The following SUPT7L variants were observed in gnomAD, a reference collection of about 807,000 sequenced individuals.
SUPT7L encodes STAGA complex 65 subunit gamma.
Under a neutral mutation model 35.7 loss-of-function variants are expected in SUPT7L, and 15 were observed. That is an observed-to-expected ratio of 0.42 (90% CI 0.28 to 0.65). The LOEUF (loss-of-function observed/expected upper bound fraction) is 0.65, where lower values mean the gene tolerates loss of function less well. SUPT7L is among the 30% of genes least tolerant of loss of function. The pLI is 0.23. For synonymous variants in SUPT7L, 168 were observed against 186.2 expected, an observed-to-expected ratio of 0.90 and a Z score of 0.79; for missense variants, 434 against 522.2, an observed-to-expected ratio of 0.83 and a Z score of 1.65.
intron 1 of SUPT7L, among the ~76,000 whole-genome samples, chr2:27,662,705 G>A (rs1675173250): frequency 1.3e-5 from 2 of 152,132 alleles, no homozygotes; most frequent in African/African-American, 4.8e-5. Context: ...TATGGCTGTG[G>A]TCTTGTTACA....
At chr2:27,648,662 G>A (rs906535526), downstream of SUPT7L, among the ~76,000 whole-genome samples, 2 of 152,194 alleles carry the variant, frequency 1.3e-5, no homozygotes, top group African/African-American at 2.4e-5. Context: ...TTGAGACAGA[G>A]TTTTGCTTCA....
chr2:27,645,234 G>A, the SUPT7L span, among the ~76,000 whole-genome samples: 1 of 152,108 alleles, frequency 6.6e-6, no homozygotes. Context: ...GCCTCCCAAG[G>A]TGTTGGGATC....
At chr2:27,647,207 C>A (rs1401239308), downstream of SUPT7L, among the ~76,000 whole-genome samples, 1 of 152,174 alleles carries the variant, frequency 6.6e-6, no homozygotes, top group Non-Finnish European at 1.5e-5. Context: ...CTCATAGGCT[C>A]CTGAAGAGAG....
downstream of SUPT7L, among the ~76,000 whole-genome samples, chr2:27,648,160 C>T (rs1181441057): frequency 6.6e-6 from 1 of 152,176 alleles, no homozygotes; most frequent in Non-Finnish European, 1.5e-5. Flanking sequence ...GTCTTCTTAT[C>T]TTTAGGTCCT....
chr2:27,655,321 G>T, intron 5 of SUPT7L, 44 bp downstream of exon 5: 1 of 1,482,562 alleles, frequency 6.7e-7, no homozygotes, highest in Non-Finnish European at 9.0e-7. Context: ...TACTGAAATT[G>T]GCAGATCTCC....
Position 27,660,996 on chromosome 2 carries a change from C to T in SUPT7L, c.407G>A (p.Ser136Asn), listed in dbSNP as rs1558501362. ...PFQIRHSDPESDFYRGKGEPV... is the reference protein window; with the variant it reads ...PFQIRHSDPENDFYRGKGEPV... ...AGCCTTGCCTTACCGATAAAAGTCA[C>T]TCTCTGGGTCACTGTGCCGGATCTG... The change falls in exon 3 of 6, where the codon AGT becomes AAT. Residue 136 changes from serine to asparagine, a missense_variant. Coordinates refer to ENST00000337768, the MANE Select transcript of SUPT7L (RefSeq NM_014860.3). 2 of 1,613,658 alleles carry T rather than the reference C, an allele frequency of 1.2e-6. No homozygotes were observed. Among genetic ancestry groups the T allele is most frequent in the East Asian group, 4.5e-5 (2 of 44,886 alleles).
At chr2:27,642,990 CACACAT>C in the SUPT7L span, among the ~76,000 whole-genome samples, 2 of 150,810 alleles carry the variant, frequency 1.3e-5, no homozygotes, top group African/African-American at 4.9e-5. Flanking sequence ...CACACACACA[CACACAT>C]ACATATGCAT....
downstream of SUPT7L, among the ~76,000 whole-genome samples, chr2:27,645,816 G>C (rs1291677208): frequency 6.6e-6 from 1 of 151,720 alleles, no homozygotes; most frequent in African/African-American, 2.4e-5. Flanking sequence ...TGCAGCCTCT[G>C]CCTCCTGGGT....
downstream of SUPT7L, chr2:27,647,800 G>A (rs760250845): frequency 8.3e-7 from 1 of 1,203,956 alleles, no homozygotes; most frequent in Non-Finnish European, 1.2e-6. Flanking sequence ...TCACCTTTTT[G>A]AGGAGGCATA....
chr2:27,657,358 C>G lies in SUPT7L; in HGVS notation c.731G>C (p.Ser244Thr). ...GGGTCGCCTCACCTGTAGCATGTAA[C>G]TGTGATAGTCCTTGATGCGGTGCTG... ...FWQHRIKDYH[S>T]YMLQISKQLS... is the part of the protein sequence containing the mutation. The change falls in exon 4 of 6, where the codon AGT (serine) becomes ACT (threonine). Residue 244 changes from serine (S) to threonine (T), a missense_variant. By Grantham distance (58) the Ser-to-Thr change is moderately conservative. Coordinates refer to ENST00000337768, the MANE Select transcript of SUPT7L (RefSeq NM_014860.3). This position sits in a 1 kb window ranked among gnomAD's most constrained non-coding sequence, Gnocchi z 5.2. 6.2e-7 allele frequency: 1 copy of G among 1,614,066 alleles called. No individual in the cohort carries two copies. The highest frequency in any genetic ancestry group is 8.5e-7 in the Non-Finnish European group (1 of 1,179,920).
rs370959633 is a variant in SUPT7L at position 27,656,705 on chromosome 2, T to C, written c.744+640A>G. Among the ~76,000 whole-genome samples, 90 of 152,130 alleles carry C rather than the reference T, an allele frequency of 5.9e-4. 1 individual carries two copies. Among genetic ancestry groups the C allele is most frequent in the African/African-American group, 2.1e-3 (88 of 41,492 alleles). The stretch of plus-strand genomic sequence containing the variant: ...TGGAGTGCAATGGCACAATCATGGC[T>C]CACAGCAGCCTTAACTTCCTGGTCT... On this transcript the variant is annotated intron_variant, in intron 4 of 5. Coordinates refer to ENST00000337768, the MANE Select transcript of SUPT7L (RefSeq NM_014860.3).
At chr2:27,645,930 G>A (rs756901744), downstream of SUPT7L, among the ~76,000 whole-genome samples, 7 of 151,806 alleles carry the variant, frequency 4.6e-5, no homozygotes, top group Admixed American at 3.3e-4. Flanking sequence ...AGGTTTTGCC[G>A]TGTTGCCCAG....
At chr2:27,654,536 A>C (rs1431337746) in intron 5 of SUPT7L, among the ~76,000 whole-genome samples, 2 of 152,138 alleles carry the variant, frequency 1.3e-5, no homozygotes, top group African/African-American at 4.8e-5. Context: ...CAGAGTCTGG[A>C]AAAAGAAGCC....
At position 27,657,731 on chromosome 2, in the gene SUPT7L, T is replaced by C. The variant is rs1291201388; in HGVS notation, c.420-62A>G. On this transcript the variant is annotated intron_variant, in intron 3 of 5. Transcript: ENST00000337768. The surrounding 1 kb of genome is among the most constrained non-coding windows in gnomAD (Gnocchi z 5.2). ...TGCAAAGGGGTGACCCCTCCTGTCT[T>C]CCCCAGGAGTTTTACAATTCCAGTC... The C allele has an allele frequency of 6.9e-7, 1 of 1,456,592 alleles. No individual in the cohort carries two copies. The highest frequency in any genetic ancestry group is 9.2e-7 in the Non-Finnish European group (1 of 1,085,244). The allele number at this position is 1,456,592 out of a possible 1,614,324, so 90.2% of individuals were successfully genotyped here.
At position 27,657,119 on chromosome 2, in the gene SUPT7L, G is replaced by A. The variant is rs1297530428; in HGVS notation, c.744+226C>T. On this transcript the variant is annotated intron_variant, in intron 4 of 5. Coordinates refer to ENST00000337768, the MANE Select transcript of SUPT7L (RefSeq NM_014860.3). This position sits in a 1 kb window ranked among gnomAD's most constrained non-coding sequence, Gnocchi z 5.2. Reference sequence around the variant, plus strand: ...TTCTCTCAGATTCCATATACTTGTGGATAGTTTCTTCCAGAGGAAGTATCA... The same window carrying A: ...TTCTCTCAGATTCCATATACTTGTGAATAGTTTCTTCCAGAGGAAGTATCA... Among the ~76,000 whole-genome samples, 1 of 152,218 alleles carries A rather than the reference G, an allele frequency of 6.6e-6. No homozygotes were observed. Among genetic ancestry groups the A allele is most frequent in the Non-Finnish European group, 1.5e-5 (1 of 68,036 alleles).
chr2:27,650,219 A>C, downstream of SUPT7L: 1 of 1,432,326 alleles, frequency 7.0e-7, no homozygotes, highest in Non-Finnish European at 9.8e-7. Context: ...AGCACACTTC[A>C]CTTGTTTCTA....
At chr2:27,655,104 G>A (rs990536453) in intron 5 of SUPT7L, among the ~76,000 whole-genome samples, 2 of 152,198 alleles carry the variant, frequency 1.3e-5, no homozygotes, top group Non-Finnish European at 2.9e-5. Flanking sequence ...GGTAATCAAC[G>A]TGACAACACA....
At chr2:27,658,119 A>G (rs549278739) in intron 3 of SUPT7L, among the ~76,000 whole-genome samples, 1 of 152,356 alleles carries the variant, frequency 6.6e-6, no homozygotes, top group Admixed American at 6.5e-5. Context: ...GATTCTTCAC[A>G]GTTCCCAGGA....
chr2:27,647,698 T>C (rs2148090320), downstream of SUPT7L: 1 of 596,530 alleles, frequency 1.7e-6, no homozygotes, highest in Middle Eastern at 2.9e-4. Context: ...GTATTAACAA[T>C]ACATTTAGAA....
Sources: allele counts gnomAD v4.1 joint callset (sites outside exome capture counted in the v4.1 genomes callset), GRCh38; gene constraint gnomAD v4.1.1; non-coding constraint Gnocchi (gnomAD v3.1); transcripts MANE v1.5; gene names NCBI Gene and HGNC (gene_info 2026-07-23, HGNC 2026-07-21).